GPHN: variants seen among roughly 807,000 people sequenced by gnomAD.
The protein encoded by GPHN is gephyrin.
Under a neutral mutation model 95.5 loss-of-function variants are expected in GPHN, and 17 were observed. That is an observed-to-expected ratio of 0.18 (90% CI 0.12 to 0.27). The LOEUF is 0.27. Among genes scored for constraint, GPHN ranks in the 10% least tolerant of loss-of-function variants. The pLI is 1.00. For synonymous variants in GPHN, 320 were observed against 322.5 expected, an observed-to-expected ratio of 0.99 and a Z score of 0.08; for missense variants, 660 against 978.1, an observed-to-expected ratio of 0.67 and a Z score of 4.34.
intron 8 of GPHN, among the ~76,000 whole-genome samples, chr14:66,934,867 A>G (rs966156486): frequency 5.3e-5 from 8 of 152,216 alleles, no homozygotes; most frequent in Admixed American, 2.6e-4. Context: ...GTCCATAACT[A>G]AAAAGTATCT....
the GPHN span, chr14:67,660,189 A>G: frequency 6.9e-6 from 2 of 288,934 alleles, no homozygotes; most frequent in South Asian, 8.0e-5. Context: ...CTTACTAAAC[A>G]CTTTTATATA....
the GPHN span, among the ~76,000 whole-genome samples, chr14:67,732,166 G>A: frequency 6.6e-6 from 1 of 151,312 alleles, no homozygotes; most frequent in East Asian, 1.9e-4. Context: ...GCTGGGTGTG[G>A]CGGCTCATGC....
chr14:67,539,063 G>A, the GPHN span, among the ~76,000 whole-genome samples: 7 of 152,058 alleles, frequency 4.6e-5, no homozygotes, highest in Admixed American at 3.3e-4. Flanking sequence ...TTGCTTTTAT[G>A]CTTTTACTGT....
the GPHN span, among the ~76,000 whole-genome samples, chr14:67,220,522 G>A: frequency 6.6e-6 from 1 of 151,840 alleles, no homozygotes; most frequent in African/African-American, 2.4e-5. Flanking sequence ...TTTAAATTGA[G>A]CATCTTAAAT....
chr14:67,690,001 G>A, the GPHN span: 1 of 541,780 alleles, frequency 1.8e-6, no homozygotes, highest in Non-Finnish European at 3.3e-6. Context: ...AAGTAGTAAA[G>A]CCAGGCCTTC....
the GPHN span, among the ~76,000 whole-genome samples, chr14:67,383,061 T>C: frequency 6.6e-6 from 1 of 152,118 alleles, no homozygotes; most frequent in African/African-American, 2.4e-5. Context: ...ATGTTTTCAG[T>C]TTTAGCTTAT....
the GPHN span, chr14:67,621,084 G>A: frequency 6.3e-5 from 58 of 922,556 alleles, no homozygotes; most frequent in Admixed American, 1.1e-3. Context: ...GCCACATCCC[G>A]CATCCTCCTT....
chr14:67,175,902 T>G (rs968198363), intron 21 of GPHN, among the ~76,000 whole-genome samples: 1 of 152,220 alleles, frequency 6.6e-6, no homozygotes, highest in Non-Finnish European at 1.5e-5. Flanking sequence ...TGTATACGAA[T>G]GCTTGTGATT....
the GPHN span, among the ~76,000 whole-genome samples, chr14:67,596,849 G>A: frequency 1.3e-5 from 2 of 152,168 alleles, no homozygotes; most frequent in African/African-American, 4.8e-5. Flanking sequence ...ATCTCCACTT[G>A]TCCATGCTAT....
chr14:66,844,684 G>A (rs1053067016), intron 4 of GPHN, among the ~76,000 whole-genome samples: 1 of 151,970 alleles, frequency 6.6e-6, no homozygotes, highest in Non-Finnish European at 1.5e-5. Flanking sequence ...GGATGCTCTA[G>A]GGAAGTTAAA....
chr14:67,133,585 T>C (rs548304338), intron 17 of GPHN, among the ~76,000 whole-genome samples: 15 of 152,148 alleles, frequency 9.9e-5, no homozygotes, highest in Non-Finnish European at 1.0e-4. Flanking sequence ...GTCTTAACTT[T>C]TTTAAGTTGC....
chr14:67,363,684 G>A, the GPHN span, among the ~76,000 whole-genome samples: 1,435 of 152,236 alleles, frequency 9.4e-3, 17 homozygotes, highest in African/African-American at 0.028. Context: ...AAGGAGATAG[G>A]CAATGGCCAG....
intron 2 of GPHN, among the ~76,000 whole-genome samples, chr14:66,704,586 A>G (rs956169282): frequency 4.6e-5 from 7 of 152,196 alleles, no homozygotes; most frequent in Non-Finnish European, 7.3e-5. Context: ...AAATTAAGGC[A>G]GAATTCAAGA....
Position 66,888,507 on chromosome 14 carries a change from A to G in GPHN, c.389+8474A>G, listed in dbSNP as rs143091066. The stretch of plus-strand genomic sequence containing the variant: ...AGAGGTTTTGTATGCTGTTGAAGAT[A>G]AGCTGGTATAAATTCAAATTATTAC... On this transcript the variant is annotated intron_variant, in intron 5 of 22. Coordinates refer to ENST00000478722, the MANE Select transcript of GPHN (RefSeq NM_020806.5). Among the ~76,000 whole-genome samples, 134 of 152,282 alleles carry G rather than the reference A, an allele frequency of 8.8e-4. 2 individuals carry two copies. In the East Asian group the frequency reaches 0.025, roughly 29 times the overall value.
At chr14:66,971,573 A>C (rs1305493685) in intron 9 of GPHN, among the ~76,000 whole-genome samples, 1 of 152,314 alleles carries the variant, frequency 6.6e-6, no homozygotes, top group East Asian at 1.9e-4. Context: ...ATATAGATAT[A>C]TAGTTAGAAA....
the GPHN span, chr14:67,585,918 G>A: frequency 6.3e-7 from 1 of 1,591,612 alleles, no homozygotes; most frequent in East Asian, 2.2e-5. Flanking sequence ...CAGGTGGAAA[G>A]TTTCCCCACA....
chr14:67,585,931 T>C, the GPHN span: 3 of 1,603,202 alleles, frequency 1.9e-6, no homozygotes, highest in Admixed American at 1.7e-5. Flanking sequence ...TCCCCACAAC[T>C]GACTGGTTCC....
intron 2 of GPHN, among the ~76,000 whole-genome samples, chr14:66,758,030 G>A (rs141982603): frequency 6.6e-6 from 1 of 152,208 alleles, no homozygotes; most frequent in Admixed American, 6.5e-5. Context: ...TATGGACTTA[G>A]AATGGGGAGT....
chr14:66,713,415 T>G (rs552346774), intron 2 of GPHN, among the ~76,000 whole-genome samples: 48 of 152,308 alleles, frequency 3.2e-4, no homozygotes, highest in African/African-American at 1.2e-3. Context: ...TTTATGTTTT[T>G]GTTTGCTTGT....
Sources: allele counts gnomAD v4.1 joint callset (sites outside exome capture counted in the v4.1 genomes callset), GRCh38; gene constraint gnomAD v4.1.1; transcripts MANE v1.5; gene names NCBI Gene and HGNC (gene_info 2026-07-23, HGNC 2026-07-21).